NSD1: variants seen among roughly 807,000 people sequenced by gnomAD.
The protein encoded by NSD1 is nuclear receptor binding SET domain protein 1.
Under a neutral mutation model 242.7 loss-of-function variants are expected in NSD1, and 26 were observed. That is an observed-to-expected ratio of 0.11 (90% confidence interval 0.08 to 0.15). The LOEUF (loss-of-function observed/expected upper bound fraction) is 0.15. Ranked by LOEUF, NSD1 falls within the 10% of genes least tolerant of loss-of-function variation. The probability of loss-of-function intolerance (pLI) is 1.00; values close to 1 mark genes in which losing one functional copy is unlikely to be tolerated. For missense variants in NSD1, 2,495 were observed against 3,272.8 expected (o/e 0.76, Z 5.80); for synonymous variants, 1,106 against 1,178.1 (o/e 0.94, Z 1.25).
chr5:177,134,220 A>T lies in NSD1; in HGVS notation c.-18+268A>T, dbSNP rs915280614. The T allele has an allele frequency of 6.7e-6, 1 of 149,918 alleles. No homozygotes were observed. Among genetic ancestry groups the T allele is most frequent in the Non-Finnish European group, 1.5e-5 (1 of 67,360 alleles). The allele number at this position is 149,918 out of a possible 1,614,324, so 9.3% of individuals were successfully genotyped here. A position where few individuals can be genotyped will look rare whatever the true frequency, so the allele number is the denominator to read the frequency against. ...CCCGTGCCCCGCCGGCCGCCTGCGA[A>T]CACCTCGGCCTCCGCCTCCCCTCAG... On this transcript the variant is annotated intron_variant, in intron 1 of 22. Coordinates refer to ENST00000439151, the MANE Select transcript of NSD1 (RefSeq NM_022455.5). This position sits in a 1 kb window ranked among gnomAD's most constrained non-coding sequence, Gnocchi z 4.2.
At chr5:177,162,823 C>T (rs1758867657) in intron 2 of NSD1, among the ~76,000 whole-genome samples, 2 of 152,098 alleles carry the variant, frequency 1.3e-5, no homozygotes, top group South Asian at 4.1e-4. Context: ...CGCTACCTCA[C>T]CCATCTAATT....
intron 14 of NSD1, chr5:177,265,555 C>T (rs1017575946): frequency 6.1e-6 from 6 of 979,456 alleles, no homozygotes; most frequent in South Asian, 4.2e-5. Context: ...CCGTGCAGGG[C>T]GGGAGAGCCG....
At chr5:177,199,883 C>T (rs1316693681) in intron 3 of NSD1, among the ~76,000 whole-genome samples, 1 of 151,962 alleles carries the variant, frequency 6.6e-6, no homozygotes, top group Non-Finnish European at 1.5e-5. Context: ...GAGCGAGCCA[C>T]CACGCCCGGC....
At chr5:177,230,702 C>T (rs1269578413) in intron 5 of NSD1, among the ~76,000 whole-genome samples, 1 of 151,854 alleles carries the variant, frequency 6.6e-6, no homozygotes, top group Non-Finnish European at 1.5e-5. Flanking sequence ...TGGCTTGTGC[C>T]TGTAGTCCCA....
At chr5:177,241,163 C>T (rs1336085478) in intron 8 of NSD1, among the ~76,000 whole-genome samples, 1 of 151,982 alleles carries the variant, frequency 6.6e-6, no homozygotes, top group Non-Finnish European at 1.5e-5. Flanking sequence ...TGTTCTCCCC[C>T]ATATTGATGT....
intron 2 of NSD1, among the ~76,000 whole-genome samples, chr5:177,138,794 C>G (rs866035926): frequency 1.8e-4 from 28 of 151,610 alleles, no homozygotes; most frequent in African/African-American, 6.3e-4. Context: ...TGCGCACCAC[C>G]ACCCCAGCTA....
chr5:177,158,712 C>T (rs974284309), intron 2 of NSD1, among the ~76,000 whole-genome samples: 4 of 150,124 alleles, frequency 2.7e-5, no homozygotes, highest in Non-Finnish European at 5.9e-5. Context: ...ATCCCAGCTA[C>T]TAGGGCGACT....
intron 16 of NSD1, among the ~76,000 whole-genome samples, chr5:177,271,902 C>A (rs1318659766): frequency 2.0e-5 from 3 of 151,996 alleles, no homozygotes; most frequent in African/African-American, 4.8e-5. Flanking sequence ...AATCCCAGCA[C>A]TATGGGGTCA....
intron 14 of NSD1, chr5:177,265,917 T>C: frequency 4.9e-6 from 7 of 1,440,438 alleles, no homozygotes; most frequent in Non-Finnish European, 6.8e-6. Context: ...ACCTTGACGG[T>C]GTAGATGTCT....
At chr5:177,234,636 A>T (rs935141857) in intron 5 of NSD1, among the ~76,000 whole-genome samples, 8 of 152,138 alleles carry the variant, frequency 5.3e-5, no homozygotes, top group Non-Finnish European at 1.0e-4. Flanking sequence ...GAATCGCTTG[A>T]TCCTGGAAGG....
chr5:177,135,926 A>C lies in NSD1; in HGVS notation c.823A>C (p.Asn275His), dbSNP rs754265807. 1 of 1,613,374 alleles carries C rather than the reference A, an allele frequency of 6.2e-7. No homozygotes were observed. Among genetic ancestry groups the C allele is most frequent in the Admixed American group, 1.7e-5 (1 of 59,998 alleles). Residue 275 changes from asparagine (N) to histidine (H), a missense_variant, in exon 2 of 23, where the codon AAT becomes CAT. Transcript: ENST00000439151. ...AATAGAAGAGCAATTAAACTCAATA[A>C]ATTTATCTTTTCAGGATGATCCAGA... ...ITIEEQLNSI[N>H]LSFQDDPDSS...
chr5:177,162,114 A>G (rs1333413830), intron 2 of NSD1, among the ~76,000 whole-genome samples: 1 of 151,906 alleles, frequency 6.6e-6, no homozygotes, highest in Non-Finnish European at 1.5e-5. Context: ...CCTGGCCAAC[A>G]TGGGGAAACC....
intron 17 of NSD1, 28 bp from the exon 18 acceptor site, chr5:177,280,537 T>C (rs777644592): frequency 1.2e-6 from 2 of 1,614,232 alleles, no homozygotes; most frequent in Non-Finnish European, 1.7e-6. Context: ...ACTTGTTTTA[T>C]GCGGTGTACT....
chr5:177,171,062 C>CCTGTAATCCCAGGA (rs1179601539), intron 2 of NSD1, among the ~76,000 whole-genome samples: 4 of 150,720 alleles, frequency 2.7e-5, no homozygotes, highest in African/African-American at 9.7e-5. Flanking sequence ...GTGGCTCAGG[C>CCTGTAATCCCAGGA]CTGTAATCCC....
chr5:177,299,290 T>C lies in NSD1; in HGVS notation c.*3831T>C, dbSNP rs1204624461. ...GGTTCCTGTTTGGGAGGAGATTTTATGTAGAAAAGTTTGAGGCTTTGTTAA... is the reference window on the plus strand; with the variant it reads ...GGTTCCTGTTTGGGAGGAGATTTTACGTAGAAAAGTTTGAGGCTTTGTTAA... On this transcript the variant is annotated 3_prime_UTR_variant, in exon 23 of 23. Coordinates refer to ENST00000439151, the MANE Select transcript of NSD1 (RefSeq NM_022455.5). 4.3e-6 allele frequency: 1 copy of C among 233,156 alleles called. No homozygotes were observed. Among genetic ancestry groups the C allele is most frequent in the Admixed American group, 5.6e-5 (1 of 17,786 alleles). The allele number at this position is 233,156 out of a possible 1,614,324, so 14.4% of individuals were successfully genotyped here.
chr5:177,284,746 A>G (rs1456514715), intron 20 of NSD1, among the ~76,000 whole-genome samples: 1 of 152,182 alleles, frequency 6.6e-6, no homozygotes, highest in Non-Finnish European at 1.5e-5. Context: ...CTTCCACTTT[A>G]TAAACCAAAG....
At chr5:177,139,721 G>A (rs992949026) in intron 2 of NSD1, among the ~76,000 whole-genome samples, 3 of 152,094 alleles carry the variant, frequency 2.0e-5, no homozygotes, top group East Asian at 1.9e-4. Flanking sequence ...TTGGGAAGCC[G>A]AGACAAAAGG....
chr5:177,132,383 C>T (rs1393031791), upstream of NSD1, among the ~76,000 whole-genome samples: 1 of 151,288 alleles, frequency 6.6e-6, no homozygotes, highest in Non-Finnish European at 1.5e-5. The surrounding 1 kb of genome is among the most constrained non-coding windows in gnomAD (Gnocchi z 7.5). Flanking sequence ...CAGCCCGGCG[C>T]GCACGCACAT....
chr5:177,264,028 A>ATTTTTTTTTATT lies in NSD1; in HGVS notation c.5147-3525_5147-3524insATTTTTTTTTTT, dbSNP rs1757205496. On this transcript the variant is annotated intron_variant, in intron 14 of 22. Transcript: ENST00000439151. ...AAGATGCATATGACTCAATGAACCA[A>ATTTTTTTTTATT]TTTTTTTTTTTTTTTTTTTTTTTTT... Among the ~76,000 whole-genome samples the ATTTTTTTTTATT allele has an allele frequency of 1.4e-3, 106 of 76,386 alleles. 2 individuals carry two copies. The highest frequency in any genetic ancestry group is 5.0e-3 in the African/African-American group (98 of 19,508). 50.1% of individuals were successfully genotyped at this position (76,386 alleles called of 152,430 possible).
Sources: gnomAD v4.1 joint callset for allele counts (sites outside exome capture counted in the v4.1 genomes callset) on GRCh38, gnomAD v4.1.1 for gene constraint, Gnocchi (gnomAD v3.1) non-coding constraint, MANE v1.5 for transcripts, NCBI Gene and HGNC (gene_info 2026-07-23, HGNC 2026-07-21) for gene names.